The following PDK1 variants were observed in gnomAD, a reference collection of about 807,000 sequenced individuals.
PDK1 encodes pyruvate dehydrogenase kinase 1.
Under a neutral mutation model 54.2 loss-of-function variants are expected in PDK1, and 39 were observed. The ratio of observed to expected loss-of-function variants is 0.72; its 90% CI spans 0.56 to 0.94. The LOEUF (loss-of-function observed/expected upper bound fraction) is 0.94, where lower values mean the gene tolerates loss of function less well. PDK1 is among the 40% of genes least tolerant of loss of function. The pLI is 0.00. For missense variants in PDK1, 552 were observed against 566.0 expected, an observed-to-expected ratio of 0.98 and a Z score of 0.25; for synonymous variants, 221 against 207.1, an observed-to-expected ratio of 1.07 and a Z score of -0.58.
At chr2:172,557,404 A>AT (rs2149177105) in intron 1 of PDK1, among the ~76,000 whole-genome samples, 1 of 152,308 alleles carries the variant, frequency 6.6e-6, no homozygotes, top group South Asian at 2.1e-4. Context: ...TTTTAGTTTA[A>AT]TTTTAAATGG....
At chr2:172,586,088 A>G (rs1413231292) in intron 8 of PDK1, among the ~76,000 whole-genome samples, 190 bp from the exon 9 acceptor site, 2 of 151,236 alleles carry the variant, frequency 1.3e-5, no homozygotes, top group African/African-American at 4.9e-5. Flanking sequence ...GAACCCGGGA[A>G]GCAGAGGTTG....
chr2:172,609,531 C>A (rs750905986), downstream of PDK1, among the ~76,000 whole-genome samples: 1 of 152,154 alleles, frequency 6.6e-6, no homozygotes, highest in African/African-American at 2.4e-5. Flanking sequence ...ACAAAGCTAT[C>A]CACTGCACTC....
chr2:172,673,705 A>G, the PDK1 span, among the ~76,000 whole-genome samples: 1 of 152,224 alleles, frequency 6.6e-6, no homozygotes, highest in Non-Finnish European at 1.5e-5. Flanking sequence ...GTTTGTTCAG[A>G]GCCCTGTCTG....
intron 8 of PDK1, among the ~76,000 whole-genome samples, chr2:172,572,461 A>G (rs1024636953): frequency 6.6e-6 from 1 of 152,174 alleles, no homozygotes; most frequent in Admixed American, 6.5e-5. Context: ...ACAGCAGCTC[A>G]TGCCTGTAAT....
the PDK1 span, among the ~76,000 whole-genome samples, chr2:172,667,837 T>A: frequency 6.6e-6 from 1 of 152,070 alleles, no homozygotes; most frequent in Non-Finnish European, 1.5e-5. Context: ...TGCTATAGAG[T>A]CTTTCAATAA....
the PDK1 span, among the ~76,000 whole-genome samples, chr2:172,627,066 C>T: frequency 0.02 from 2,980 of 152,224 alleles, 87 homozygotes; most frequent in African/African-American, 0.066. Context: ...TTCAACACTG[C>T]CATAGGAATT....
chr2:172,699,085 C>T, the PDK1 span, among the ~76,000 whole-genome samples: 1 of 152,206 alleles, frequency 6.6e-6, no homozygotes, highest in Non-Finnish European at 1.5e-5. Context: ...ACATATGTCT[C>T]ATGTCCCCAG....
chr2:172,558,411 A>G (rs1029310153), intron 1 of PDK1, among the ~76,000 whole-genome samples: 1 of 152,202 alleles, frequency 6.6e-6, no homozygotes, highest in Non-Finnish European at 1.5e-5. Flanking sequence ...CAGGTTACCT[A>G]ACTTCTAAAA....
the PDK1 span, among the ~76,000 whole-genome samples, chr2:172,715,177 G>C: frequency 6.6e-6 from 1 of 152,140 alleles, no homozygotes; most frequent in Non-Finnish European, 1.5e-5. Flanking sequence ...TTTTGATCAA[G>C]GCAGCTTCCC....
downstream of PDK1, among the ~76,000 whole-genome samples, chr2:172,610,384 G>A (rs185500500): frequency 4.6e-5 from 7 of 152,202 alleles, no homozygotes; most frequent in Admixed American, 3.9e-4. Flanking sequence ...TGGGCACACC[G>A]GATCTCTTTG....
At chr2:172,642,182 T>C in the PDK1 span, among the ~76,000 whole-genome samples, 2 of 152,156 alleles carry the variant, frequency 1.3e-5, no homozygotes, top group Non-Finnish European at 2.9e-5. Flanking sequence ...TGTTGTTTGT[T>C]TGATTGTAGG....
chr2:172,603,417 G>A lies in PDK1; in HGVS notation c.*7448G>A, dbSNP rs531565663. The A allele has an allele frequency of 6.6e-6, 1 of 152,306 alleles. No individual in the cohort carries two copies. Among genetic ancestry groups the A allele is most frequent in the Admixed American group, 6.5e-5 (1 of 15,304 alleles). The allele number at this position is 152,306 out of a possible 1,614,324, so 9.4% of individuals were successfully genotyped here. A position where few individuals can be genotyped will look rare whatever the true frequency, so the allele number is the denominator to read the frequency against. Reference sequence around the variant, plus strand: ...CTTACCCAGTGAACATATAACTAGTGGAAATCCTGATAATTGGCTAATGCA... The same window carrying A: ...CTTACCCAGTGAACATATAACTAGTAGAAATCCTGATAATTGGCTAATGCA... On this transcript the variant is annotated 3_prime_UTR_variant, in exon 11 of 11. Coordinates refer to ENST00000282077, the MANE Select transcript of PDK1 (RefSeq NM_002610.5).
chr2:172,629,687 T>C, the PDK1 span, among the ~76,000 whole-genome samples: 2 of 152,162 alleles, frequency 1.3e-5, no homozygotes, highest in Non-Finnish European at 2.9e-5. Context: ...CTATGAAACA[T>C]TTAGCTGTCT....
chr2:172,582,790 ATTG>A lies in PDK1; in HGVS notation c.946-3484_946-3482del, dbSNP rs980473923. Among the ~76,000 whole-genome samples, 2 of 152,124 alleles carry A rather than the reference ATTG, an allele frequency of 1.3e-5. 1 individual carries two copies. Among genetic ancestry groups the A allele is most frequent in the African/African-American group, 4.8e-5 (2 of 41,434 alleles). Reference sequence around the variant, plus strand: ...AAATCCACTGGCTCCAGTTTATTGTATTGTTGGCTGCAAAGCAAAGTACTACTT... The same window carrying A: ...AAATCCACTGGCTCCAGTTTATTGTATTGGCTGCAAAGCAAAGTACTACTT... On this transcript the variant is annotated intron_variant, in intron 8 of 10. Transcript: ENST00000282077.
the PDK1 span, chr2:172,679,135 C>A: frequency 6.6e-6 from 1 of 152,150 alleles, no homozygotes; most frequent in Non-Finnish European, 1.5e-5. Flanking sequence ...TGAAACTTCC[C>A]TAAATTTTTA....
At chr2:172,571,490 A>G (rs538532391) in intron 8 of PDK1, among the ~76,000 whole-genome samples, 1 of 152,302 alleles carries the variant, frequency 6.6e-6, no homozygotes, top group Admixed American at 6.5e-5. Context: ...TGGCTTCCAG[A>G]GTAACTGGGA....
chr2:172,612,651 G>C (rs1691499449), downstream of PDK1, among the ~76,000 whole-genome samples: 1 of 151,988 alleles, frequency 6.6e-6, no homozygotes, highest in Non-Finnish European at 1.5e-5. Context: ...GCATGTCAGT[G>C]AAAGAAAATG....
intron 7 of PDK1, among the ~76,000 whole-genome samples, chr2:172,570,265 T>C (rs925262106): frequency 6.6e-6 from 1 of 152,192 alleles, no homozygotes; most frequent in Non-Finnish European, 1.5e-5. Flanking sequence ...AATTTCAAAC[T>C]AGAGATAAAG....
rs1691002409 is a variant in PDK1, at chr2:172,598,568, C to T, written c.*2599C>T. The T allele has an allele frequency of 6.6e-6, 1 of 152,088 alleles. No individual in the cohort carries two copies. The highest frequency in any genetic ancestry group is 2.4e-5 in the African/African-American group (1 of 41,428). 9.4% of individuals were successfully genotyped at this position (152,088 alleles called of 1,614,324 possible). ...AGTGGACACGAAGTGATTTTTGTAA[C>T]CTGAGCAGTTAATGAATGTGCCAAC... is the stretch of plus-strand genomic sequence containing the variant. On this transcript the variant is annotated 3_prime_UTR_variant, in exon 11 of 11. Coordinates refer to ENST00000282077, the MANE Select transcript of PDK1 (RefSeq NM_002610.5).
Sources: allele counts gnomAD v4.1 joint callset (sites outside exome capture counted in the v4.1 genomes callset), GRCh38; gene constraint gnomAD v4.1.1; transcripts MANE v1.5; gene names NCBI Gene and HGNC (gene_info 2026-07-23, HGNC 2026-07-21).